Variants in WDR19 observed in about 807,000 individuals in gnomAD.
The protein encoded by WDR19 is WD repeat domain 19, also known as WD repeat-containing protein 19.
Under a neutral mutation model 180.0 loss-of-function variants are expected in WDR19, and 121 were observed. The ratio of observed to expected loss-of-function variants is 0.67; its 90% CI spans 0.58 to 0.78. The LOEUF is 0.78. Ranked by LOEUF, WDR19 falls within the 30% of genes least tolerant of loss-of-function variation. The pLI is 0.00. For synonymous variants in WDR19, 497 were observed against 540.7 expected (o/e 0.92, Z 1.12); for missense variants, 1,450 against 1,640.7 (o/e 0.88, Z 2.01).
chr4:39,217,226 G>A lies in WDR19; in HGVS notation c.1342G>A (p.Val448Ile), dbSNP rs760418892. Reference protein sequence around the residue: ...DYAAALFEGKVQLHLIESEIL... With the variant: ...DYAAALFEGKIQLHLIESEIL... ...TGCTGCTGCACTTTTTGAAGGCAAA[G>A]TCCAGTTACATTTGGTAAGTATAAT... Residue 448 changes from valine to isoleucine, a missense_variant, in exon 13 of 37, where the codon GTC becomes ATC. Val to Ile is a conservative substitution (Grantham distance 29). Coordinates refer to ENST00000399820, the MANE Select transcript of WDR19 (RefSeq NM_025132.4). 6.3e-7 allele frequency: 1 copy of A among 1,598,500 alleles called. No homozygotes were observed. Among genetic ancestry groups the A allele is most frequent in the South Asian group, 1.1e-5 (1 of 88,072 alleles).
chr4:39,228,797 T>C (rs1730560621), intron 17 of WDR19, 107 bp downstream of exon 17: 4 of 1,285,212 alleles, frequency 3.1e-6, no homozygotes, highest in Non-Finnish European at 4.1e-6. Flanking sequence ...TCTTTATCCT[T>C]GCAAGAATTT....
intron 6 of WDR19, among the ~76,000 whole-genome samples, chr4:39,200,172 G>C (rs1577859783): frequency 6.6e-6 from 1 of 152,174 alleles, no homozygotes; most frequent in African/African-American, 2.4e-5. Flanking sequence ...AGTATTGCTA[G>C]AGCAATATTG....
chr4:39,280,159 G>A (rs555342344), intron 36 of WDR19, among the ~76,000 whole-genome samples: 3 of 104,672 alleles, frequency 2.9e-5, no homozygotes, highest in East Asian at 3.1e-4. Flanking sequence ...GCAGGGTCTC[G>A]CCACATTGCG....
chr4:39,278,783 C>G, intron 36 of WDR19, 120 bp downstream of exon 36: 1 of 492,846 alleles, frequency 2.0e-6, no homozygotes, highest in Non-Finnish European at 3.6e-6. Flanking sequence ...CAGATTTGAA[C>G]AATCTGACAA....
At chr4:39,255,500 T>C (rs1420668868) in intron 26 of WDR19, among the ~76,000 whole-genome samples, 1 of 152,198 alleles carries the variant, frequency 6.6e-6, no homozygotes, top group Non-Finnish European at 1.5e-5. Flanking sequence ...TTAACCAGCA[T>C]CTACTGGCTA....
chr4:39,194,419 T>C, intron 4 of WDR19, 125 bp from the exon 5 acceptor site: 1 of 573,106 alleles, frequency 1.7e-6, no homozygotes, highest in Non-Finnish European at 3.0e-6. Flanking sequence ...TCCTAAAGCA[T>C]TAAGTTGTAT....
chr4:39,217,056 C>T, intron 12 of WDR19, 78 bp from the exon 13 acceptor site: 1 of 987,246 alleles, frequency 1.0e-6, no homozygotes, highest in East Asian at 2.9e-5. Context: ...AAAAGCACAC[C>T]TTTTAAAATT....
rs750716949 is a variant in WDR19 at position 39,277,061 on chromosome 4, G to A, written c.3758G>A (p.Cys1253Tyr). 2 of 1,613,818 alleles carry A rather than the reference G, an allele frequency of 1.2e-6. No individual in the cohort carries two copies. The highest frequency in any genetic ancestry group is 2.7e-5 in the African/African-American group (2 of 74,924). The change falls in exon 34 of 37, where the codon TGT becomes TAT. Residue 1253 changes from cysteine to tyrosine, a missense_variant. Transcript: ENST00000399820. The part of the protein sequence containing the change: ...ISEIEEATTP[C>Y]PFCKFLLPEC... ...GAGATAGAAGAGGCCACGACTCCAT[G>A]TCCATTCTGCAAATTTCTTCTCCCA...
Position 39,186,568 on chromosome 4 carries a change from G to T in WDR19, c.128G>T (p.Arg43Leu), listed in dbSNP as rs770312522. Reference protein sequence around the residue: ...GADYIVKIFDRHGQKRSEINL... With the variant: ...GADYIVKIFDLHGQKRSEINL... Reference sequence around the variant, plus strand: ...GATTATATTGTGAAAATCTTTGATCGCCATGGTCAAAAAAGAAGTGAAATT... The same window carrying T: ...GATTATATTGTGAAAATCTTTGATCTCCATGGTCAAAAAAGAAGTGAAATT... The change falls in exon 3 of 37, where the codon CGC becomes CTC. Residue 43 changes from arginine (R) to leucine (L), a missense_variant. Physicochemically the swap from Arg to Leu is moderately radical, Grantham distance 102. Coordinates refer to ENST00000399820, the MANE Select transcript of WDR19 (RefSeq NM_025132.4). 1.1e-5 allele frequency: 17 copies of T among 1,571,220 alleles called. No homozygotes were observed. The highest frequency in any genetic ancestry group is 1.8e-5 in the Admixed American group (1 of 54,794).
chr4:39,231,648 T>TCAAAAAAAAAAAAA, intron 17 of WDR19, 149 bp from the exon 18 acceptor site: 1 of 649,334 alleles, frequency 1.5e-6, no homozygotes, highest in Non-Finnish European at 2.3e-6. Flanking sequence ...GCTTAAGTGT[T>TCAAAAAAAAAAAAA]TTTTCATTAC....
At chr4:39,225,289 C>T (rs1730134886) in intron 15 of WDR19, among the ~76,000 whole-genome samples, 1 of 152,172 alleles carries the variant, frequency 6.6e-6, no homozygotes, top group Non-Finnish European at 1.5e-5. Flanking sequence ...TCCTAAACCA[C>T]TTTCAAACTT....
intron 3 of WDR19, among the ~76,000 whole-genome samples, chr4:39,189,095 G>T (rs944100266): frequency 6.6e-6 from 1 of 151,964 alleles, no homozygotes; most frequent in Admixed American, 6.6e-5. Flanking sequence ...GCTAATTTTT[G>T]TATTTTTTAG....
At chr4:39,255,988 T>C (rs1003569317) in intron 27 of WDR19, 28 bp downstream of exon 27, 1 of 1,024,750 alleles carries the variant, frequency 9.8e-7, no homozygotes, top group Non-Finnish European at 1.4e-6. Flanking sequence ...AAATATACAC[T>C]GACTCCGCAG....
chr4:39,244,326 G>A lies in WDR19; in HGVS notation c.2500G>A (p.Ala834Thr), dbSNP rs774495631. 3.1e-6 allele frequency: 5 copies of A among 1,613,938 alleles called. No individual in the cohort carries two copies. The highest frequency in any genetic ancestry group is 2.2e-5 in the East Asian group (1 of 44,884). ...AGACATACGTCGAGGGGTTAACCAA[G>A]CCCTCAAGCATCCCAGCAGGGTCCT... ...MGDIRRGVNQ[A>T]LKHPSRVLKR... Residue 834 changes from alanine to threonine, a missense_variant, in exon 22 of 37, where the codon GCC becomes ACC. Coordinates refer to ENST00000399820, the MANE Select transcript of WDR19 (RefSeq NM_025132.4).
At chr4:39,184,978 A>T (rs1204443668) in intron 1 of WDR19, among the ~76,000 whole-genome samples, 1 of 152,220 alleles carries the variant, frequency 6.6e-6, no homozygotes, top group Admixed American at 6.5e-5. Flanking sequence ...TACCCAGTAT[A>T]TCAAAAATGT....
At chr4:39,235,980 A>G (rs1261167558) in intron 20 of WDR19, among the ~76,000 whole-genome samples, 1 of 152,230 alleles carries the variant, frequency 6.6e-6, no homozygotes, top group Non-Finnish European at 1.5e-5. Flanking sequence ...AAGTCTAAAA[A>G]TAATAGATGT....
chr4:39,224,946 T>C lies in WDR19; in HGVS notation c.1542T>C (p.Pro514=), dbSNP rs1162371392. Residue 514 remains proline, a synonymous_variant, in exon 15 of 37, where the codon CCT becomes CCC. Transcript: ENST00000399820. The part of the protein sequence containing the change: ...DWQFVNDYRH[P]VSVKKIFPDP... ...AATTCGTTAATGATTATCGACATCC[T>C]GTCAGTGTGAAAAAGATTTTTCCCG... 4 of 1,583,540 alleles carry C rather than the reference T, an allele frequency of 2.5e-6. No homozygotes were observed. The Admixed American group carries it at 7.2e-5, about 29-fold the overall frequency.
At chr4:39,227,930 C>A (rs1353729176) in intron 15 of WDR19, among the ~76,000 whole-genome samples, 1 of 151,926 alleles carries the variant, frequency 6.6e-6, no homozygotes, top group Non-Finnish European at 1.5e-5. Context: ...AATTTTTTTT[C>A]CTTAACCTGA....
intron 3 of WDR19, among the ~76,000 whole-genome samples, chr4:39,186,811 A>T (rs1326141174): frequency 1.3e-5 from 2 of 152,260 alleles, no homozygotes; most frequent in East Asian, 3.8e-4. Context: ...ATATACTCAC[A>T]GAGAAGCCTT....
Sources: gnomAD v4.1 joint callset for allele counts (sites outside exome capture counted in the v4.1 genomes callset) on GRCh38, gnomAD v4.1.1 for gene constraint, MANE v1.5 for transcripts, NCBI Gene and HGNC (gene_info 2026-07-23, HGNC 2026-07-21) for gene names.